Variants in PLPP7 observed in about 807,000 individuals in gnomAD.
PLPP7 encodes inactive phospholipid phosphatase 7.
Under a neutral mutation model 16.9 loss-of-function variants are expected in PLPP7, and 11 were observed. That is an observed-to-expected ratio of 0.65 (90% CI 0.41 to 1.08). The LOEUF (loss-of-function observed/expected upper bound fraction) is 1.08, where lower values mean the gene tolerates loss of function less well. Among genes scored for constraint, PLPP7 ranks in the 50% least tolerant of loss-of-function variants. The pLI is 0.00. For missense variants in PLPP7, 358 were observed against 397.1 expected, an observed-to-expected ratio of 0.90 and a Z score of 0.84; for synonymous variants, 174 against 175.1, an observed-to-expected ratio of 0.99 and a Z score of 0.05.
intron 1 of PLPP7, among the ~76,000 whole-genome samples, chr9:131,296,281 C>T (rs12340903): frequency 0.012 from 1,808 of 152,152 alleles, 36 homozygotes; most frequent in African/African-American, 0.041. Context: ...TGTTTGTTTT[C>T]TGAGACAGAG....
chr9:131,291,149 T>G (rs778064278), intron 1 of PLPP7: 1 of 1,366,328 alleles, frequency 7.3e-7, no homozygotes, highest in Non-Finnish European at 9.8e-7. Flanking sequence ...GTGGGGCCCA[T>G]GTGGAGGCAA....
intron 1 of PLPP7, among the ~76,000 whole-genome samples, chr9:131,298,213 G>A (rs1835756517): frequency 6.6e-6 from 1 of 152,148 alleles, no homozygotes; most frequent in East Asian, 1.9e-4. Flanking sequence ...GACACGTGGA[G>A]GAGAGTTCTG....
rs192309607 is a variant in PLPP7 at position 131,298,655 on chromosome 9, C to A, written c.451+8207C>A. On this transcript the variant is annotated intron_variant, in intron 1 of 1. Coordinates refer to ENST00000372264, the MANE Select transcript of PLPP7 (RefSeq NM_032728.4). Reference sequence around the variant, plus strand: ...CGCAGTGCACATAGCTGCTGGCAGACAAGTGATGTTCTAATTTTCAGAGGC... The same window carrying A: ...CGCAGTGCACATAGCTGCTGGCAGAAAAGTGATGTTCTAATTTTCAGAGGC... Among the ~76,000 whole-genome samples the A allele has an allele frequency of 2.2e-3, 334 of 152,334 alleles. 1 individual carries two copies. Among genetic ancestry groups the A allele is most frequent in the African/African-American group, 7.7e-3 (322 of 41,576 alleles).
intron 1 of PLPP7, among the ~76,000 whole-genome samples, chr9:131,299,542 G>T (rs1010048582): frequency 6.6e-6 from 1 of 152,224 alleles, no homozygotes; most frequent in Non-Finnish European, 1.5e-5. Context: ...AGGGCAGAGT[G>T]GGGTGGGAGG....
Position 131,308,357 on chromosome 9 carries a change from G to C in PLPP7, c.*70G>C, listed in dbSNP as rs1461647229. 6.7e-7 allele frequency: 1 copy of C among 1,483,596 alleles called. No homozygotes were observed. The highest frequency in any genetic ancestry group is 8.9e-7 in the Non-Finnish European group (1 of 1,118,436). The allele number at this position is 1,483,596 out of a possible 1,614,324, so 91.9% of individuals were successfully genotyped here. The stretch of plus-strand genomic sequence containing the variant: ...TAGAGAAGGGGCAGGGGGTGGCGAG[G>C]TGGCGGGCGTGGGTGGAACAGAGCG... On this transcript the variant is annotated 3_prime_UTR_variant, in exon 2 of 2. Coordinates refer to ENST00000372264, the MANE Select transcript of PLPP7 (RefSeq NM_032728.4).
At chr9:131,302,305 G>A (rs1398945975) in intron 1 of PLPP7, among the ~76,000 whole-genome samples, 1 of 152,196 alleles carries the variant, frequency 6.6e-6, no homozygotes, top group Non-Finnish European at 1.5e-5. Flanking sequence ...TTTTGGGGAA[G>A]TGGTGGGGCT....
chr9:131,294,888 A>G (rs780798883), intron 1 of PLPP7, among the ~76,000 whole-genome samples: 4 of 150,818 alleles, frequency 2.7e-5, no homozygotes, highest in Non-Finnish European at 5.9e-5. Context: ...GAGGTGATCC[A>G]CCCACCTTGG....
At chr9:131,304,373 C>G (rs959625380) in intron 1 of PLPP7, among the ~76,000 whole-genome samples, 2 of 152,242 alleles carry the variant, frequency 1.3e-5, no homozygotes, top group African/African-American at 4.8e-5. Context: ...TGGCTCACGC[C>G]TGGAATCCCA....
chr9:131,300,261 C>CATT (rs1835781562), intron 1 of PLPP7, among the ~76,000 whole-genome samples: 1 of 151,966 alleles, frequency 6.6e-6, no homozygotes, highest in South Asian at 2.1e-4. Flanking sequence ...CTGCATTCAT[C>CATT]CATTCATAAA....
At chr9:131,298,154 G>A (rs1055756361) in intron 1 of PLPP7, among the ~76,000 whole-genome samples, 5 of 152,140 alleles carry the variant, frequency 3.3e-5, no homozygotes, top group Non-Finnish European at 4.4e-5. Flanking sequence ...CATCCCTAAC[G>A]ATTTCCCAAG....
chr9:131,307,551 C>CAAAAAAAAAAA (rs57469502), intron 1 of PLPP7, among the ~76,000 whole-genome samples: 1 of 60,586 alleles, frequency 1.7e-5, no homozygotes, highest in African/African-American at 7.6e-5. Flanking sequence ...AACTCTGTCT[C>CAAAAAAAAAAA]AAAAAAAAAA....
intron 1 of PLPP7, among the ~76,000 whole-genome samples, chr9:131,292,023 C>G (rs1835683219): frequency 6.6e-6 from 1 of 152,206 alleles, no homozygotes; most frequent in Non-Finnish European, 1.5e-5. Context: ...ATAAAGCAAC[C>G]TGGCCCAGCC....
rs766120170 is a variant in PLPP7, at chr9:131,289,992, G to C, written c.-6G>C. The C allele has an allele frequency of 6.3e-6, 9 of 1,432,396 alleles. No homozygotes were observed. The African/African-American group carries it at 8.7e-5, about 14-fold the overall frequency. The allele number at this position is 1,432,396 out of a possible 1,614,324, so 88.7% of individuals were successfully genotyped here. ...CATCGGCCTTCTCGGGGTGAGCGAG[G>C]TCACCATGCCAGCTTCCCAGAGCCG... On this transcript the variant is annotated 5_prime_UTR_variant, in exon 1 of 2. Transcript: ENST00000372264.
At chr9:131,299,416 T>C (rs11244360) in intron 1 of PLPP7, among the ~76,000 whole-genome samples, 101,672 of 151,802 alleles carry the variant, frequency 0.67, 34,976 homozygotes, top group Middle Eastern at 0.78. Flanking sequence ...TGAGTGATGG[T>C]GCCGTTTGCT....
intron 1 of PLPP7, among the ~76,000 whole-genome samples, chr9:131,297,146 C>G (rs887940640): frequency 1.6e-4 from 24 of 152,354 alleles, no homozygotes; most frequent in African/African-American, 5.5e-4. Context: ...GCCCTGGCAG[C>G]TGTCCACACA....
intron 1 of PLPP7, 138 bp from the exon 2 acceptor site, chr9:131,307,785 A>G: frequency 1.2e-6 from 1 of 848,604 alleles, no homozygotes; most frequent in Non-Finnish European, 1.8e-6. Flanking sequence ...CTGAGAGGGG[A>G]CCCTGCCTGG....
At chr9:131,305,927 C>A in intron 1 of PLPP7, among the ~76,000 whole-genome samples, 1 of 152,086 alleles carries the variant, frequency 6.6e-6, no homozygotes, top group Middle Eastern at 3.2e-3. Flanking sequence ...CCGTGCCCAG[C>A]CAGAGACATC....
intron 1 of PLPP7, chr9:131,291,430 G>T (rs1013674284): frequency 1.7e-6 from 2 of 1,144,802 alleles, no homozygotes; most frequent in Non-Finnish European, 2.2e-6. Context: ...ATAAAAACAC[G>T]TATCTCCCTG....
chr9:131,291,654 T>C (rs1835679814), intron 1 of PLPP7, among the ~76,000 whole-genome samples: 1 of 150,166 alleles, frequency 6.7e-6, no homozygotes, highest in Non-Finnish European at 1.5e-5. Flanking sequence ...AACCTTCAGC[T>C]CACTACAACC....
Sources: allele counts gnomAD v4.1 joint callset (sites outside exome capture counted in the v4.1 genomes callset), GRCh38; gene constraint gnomAD v4.1.1; transcripts MANE v1.5; gene names NCBI Gene and HGNC (gene_info 2026-07-23, HGNC 2026-07-21).